ZFAND2A: variants seen among roughly 807,000 people sequenced by gnomAD.
ZFAND2A encodes zinc finger AN1-type containing 2A.
A neutral mutation model predicts 11.6 loss-of-function variants in ZFAND2A; 20 were observed. The observed-to-expected ratio is 1.72, with a 90% CI of 1.21 to 2.50. ZFAND2A has a LOEUF of 2.50. ZFAND2A is among the 30% of genes most tolerant of loss of function. The pLI, the probability that ZFAND2A is intolerant of heterozygous loss-of-function variation, is 0.00. For synonymous variants in ZFAND2A, 93 were observed against 60.6 expected, an observed-to-expected ratio of 1.54 and a Z score of -2.48; for missense variants, 234 against 182.9, an observed-to-expected ratio of 1.28 and a Z score of -1.61.
chr7:1,149,217 T>C (rs976016616), downstream of ZFAND2A, among the ~76,000 whole-genome samples: 1 of 152,248 alleles, frequency 6.6e-6, no homozygotes, highest in Non-Finnish European at 1.5e-5. Context: ...ACACCCAGGT[T>C]CCTAACGTAC....
intron 1 of ZFAND2A, among the ~76,000 whole-genome samples, chr7:1,158,932 C>T (rs763089727): frequency 6.6e-6 from 1 of 152,124 alleles, no homozygotes; most frequent in Non-Finnish European, 1.5e-5. Flanking sequence ...CTAGTACTCA[C>T]CAGCCCCTCC....
At chr7:1,154,708 T>C (rs942690783) in intron 4 of ZFAND2A, among the ~76,000 whole-genome samples, 4 of 152,210 alleles carry the variant, frequency 2.6e-5, no homozygotes, top group South Asian at 4.1e-4. Context: ...CAAAAGTTAT[T>C]TGGTTTATGG....
chr7:1,158,065 A>G (rs1055094716), intron 2 of ZFAND2A, 93 bp downstream of exon 2: 2 of 1,266,076 alleles, frequency 1.6e-6, no homozygotes, highest in Admixed American at 3.6e-5. Context: ...AGGAGCCAGG[A>G]AGGCCAAGAC....
At chr7:1,150,930 C>T (rs916357774), downstream of ZFAND2A, among the ~76,000 whole-genome samples, 1 of 147,752 alleles carries the variant, frequency 6.8e-6, no homozygotes, top group Non-Finnish European at 1.5e-5. Flanking sequence ...CTCTGTTGCC[C>T]AGGCTGGAGT....
chr7:1,152,474 A>C, downstream of ZFAND2A: 6 of 1,147,856 alleles, frequency 5.2e-6, no homozygotes, highest in South Asian at 1.1e-4. Flanking sequence ...CAGGTGCAAC[A>C]GTTGAGGCAA....
At position 1,160,049 on chromosome 7, in the gene ZFAND2A, C is replaced by G. The variant is rs1393367116; in HGVS notation, c.-131G>C. 6.5e-6 allele frequency: 1 copy of G among 153,466 alleles called. No individual in the cohort carries two copies. The highest frequency in any genetic ancestry group is 2.4e-5 in the African/African-American group (1 of 41,466). The allele number at this position is 153,466 out of a possible 1,614,324, so 9.5% of individuals were successfully genotyped here. ...CAGGTGTCCTCCTCCGTAGTCGGCTCCGGGTAGCTAAGCAGAAAGAACCTC... is the reference window on the plus strand; with the variant it reads ...CAGGTGTCCTCCTCCGTAGTCGGCTGCGGGTAGCTAAGCAGAAAGAACCTC... On this transcript the variant is annotated 5_prime_UTR_variant, in exon 1 of 5. Coordinates refer to ENST00000316495, the MANE Select transcript of ZFAND2A (RefSeq NM_182491.4).
At position 1,153,139 on chromosome 7, in the gene ZFAND2A, C is replaced by T. The variant is rs1271827238; in HGVS notation, c.368G>A (p.Cys123Tyr). The T allele has an allele frequency of 1.9e-6, 3 of 1,614,126 alleles. No individual in the cohort carries two copies. The highest frequency in any genetic ancestry group is 1.3e-5 in the African/African-American group (1 of 74,928). Residue 123 changes from cysteine to tyrosine, a missense_variant, in exon 5 of 5, where the codon TGT becomes TAT. By Grantham distance (194) the Cys-to-Tyr change is radical. Transcript: ENST00000316495. Reference sequence around the variant, plus strand: ...GTCCAAAGGGTGTCTGTGCTGGATACAGAAGTTGCCGTGACATTGGGCACA... The same window carrying T: ...GTCCAAAGGGTGTCTGTGCTGGATATAGAAGTTGCCGTGACATTGGGCACA... Reference protein sequence around the residue: ...MVCAQCHGNFCIQHRHPLDHS... With the variant: ...MVCAQCHGNFYIQHRHPLDHS...
Position 1,155,582 on chromosome 7 carries a change from A to C in ZFAND2A, c.153T>G (p.Asp51Glu). The C allele has an allele frequency of 1.2e-6, 2 of 1,610,110 alleles. No individual in the cohort carries two copies. The highest frequency in any genetic ancestry group is 2.2e-5 in the South Asian group (2 of 90,090). The change falls in exon 4 of 5, where the codon GAT becomes GAG. Residue 51 changes from aspartate (D) to glutamate (E), a missense_variant and splice_region_variant. Coordinates refer to ENST00000316495, the MANE Select transcript of ZFAND2A (RefSeq NM_182491.4). ...AHKCPFAFQK[D>E]VHVPVCPLCN... ...AGAGTGGGCATACTGGGACGTGAACATCCTAAAAATAACAAAGGTAAGATG... is the reference window on the plus strand; with the variant it reads ...AGAGTGGGCATACTGGGACGTGAACCTCCTAAAAATAACAAAGGTAAGATG...
At chr7:1,158,057 G>A (rs1793573663) in intron 2 of ZFAND2A, 101 bp downstream of exon 2, 2 of 1,176,394 alleles carry the variant, frequency 1.7e-6, no homozygotes, top group African/African-American at 1.5e-5. Flanking sequence ...CAATACTGAG[G>A]AGCCAGGAAG....
At chr7:1,159,477 C>T (rs1294769470) in intron 1 of ZFAND2A, among the ~76,000 whole-genome samples, 60 of 150,004 alleles carry the variant, frequency 4.0e-4, no homozygotes, top group African/African-American at 1.5e-3. Context: ...AGGCCGGACC[C>T]CCAGCAGCCA....
In ZFAND2A at chr7:1,158,284, G is replaced by T. The variant is rs1037056151; in HGVS notation, c.-45-27C>A. 9.7e-6 allele frequency: 14 copies of T among 1,443,376 alleles called. No individual in the cohort carries two copies. In the African/African-American group the frequency reaches 1.7e-4, roughly 17 times the overall value. 89.4% of individuals were successfully genotyped at this position (1,443,376 alleles called of 1,614,324 possible). Reference sequence around the variant, plus strand: ...TACAAGAGAATCAGAATAGTTAGGAGGAAAGCTGGACTGCCCTTCAGTCAC... The same window carrying T: ...TACAAGAGAATCAGAATAGTTAGGATGAAAGCTGGACTGCCCTTCAGTCAC... On this transcript the variant is annotated intron_variant, in intron 1 of 4. Coordinates refer to ENST00000316495, the MANE Select transcript of ZFAND2A (RefSeq NM_182491.4).
chr7:1,156,957 T>TG (rs1793540709), intron 3 of ZFAND2A: 1 of 152,058 alleles, frequency 6.6e-6, no homozygotes. Context: ...TAAAAATGGC[T>TG]GGAGGGTCAG....
chr7:1,153,451 C>T (rs764294285), intron 4 of ZFAND2A, among the ~76,000 whole-genome samples: 21 of 152,126 alleles, frequency 1.4e-4, no homozygotes, highest in Non-Finnish European at 2.8e-4. Context: ...GCCATGCTGC[C>T]CAGGCTGGTC....
intron 4 of ZFAND2A, among the ~76,000 whole-genome samples, chr7:1,154,309 C>T (rs531785904): frequency 3.3e-5 from 5 of 152,102 alleles, no homozygotes; most frequent in African/African-American, 1.2e-4. Flanking sequence ...GGTGGCCCTC[C>T]GGCCAAGGCA....
chr7:1,155,561 T>C lies in ZFAND2A; in HGVS notation c.174A>G (p.Pro58=), dbSNP rs768124971. Reference sequence around the variant, plus strand: ...TTACTGGGATGGGGGTATTACAGAGTGGGCATACTGGGACGTGAACATCCT... The same window carrying C: ...TTACTGGGATGGGGGTATTACAGAGCGGGCATACTGGGACGTGAACATCCT... ...FQKDVHVPVC[P]LCNTPIPVKK... Residue 58 remains proline, a synonymous_variant, in exon 4 of 5, where the codon CCA becomes CCG. Coordinates refer to ENST00000316495, the MANE Select transcript of ZFAND2A (RefSeq NM_182491.4). 1.9e-6 allele frequency: 3 copies of C among 1,612,900 alleles called. No individual in the cohort carries two copies. The African/African-American group carries it at 4.0e-5, about 22-fold the overall frequency.
downstream of ZFAND2A, among the ~76,000 whole-genome samples, chr7:1,150,541 C>T (rs144134922): frequency 2.6e-3 from 395 of 152,292 alleles, 1 homozygote; most frequent in African/African-American, 9.1e-3. Context: ...TTACGTTACC[C>T]GTGTTCATCA....
intron 3 of ZFAND2A, chr7:1,156,919 G>A (rs1793539841): frequency 6.6e-6 from 1 of 152,350 alleles, no homozygotes; most frequent in Admixed American, 6.5e-5. Context: ...GGGAATGTGA[G>A]TCACCCTCCC....
chr7:1,152,044 G>C, downstream of ZFAND2A: 1 of 515,998 alleles, frequency 1.9e-6, no homozygotes, highest in Non-Finnish European at 3.2e-6. Context: ...CCAGCTGTAT[G>C]ATGCTGCTGC....
intron 1 of ZFAND2A, among the ~76,000 whole-genome samples, chr7:1,159,386 G>A (rs998885246): frequency 3.0e-4 from 45 of 152,190 alleles, no homozygotes; most frequent in Non-Finnish European, 8.8e-5. Flanking sequence ...TCGGCTGGCG[G>A]GTTAACGACC....
Sources: allele counts gnomAD v4.1 joint callset (sites outside exome capture counted in the v4.1 genomes callset), GRCh38; gene constraint gnomAD v4.1.1; transcripts MANE v1.5; gene names NCBI Gene and HGNC (gene_info 2026-07-23, HGNC 2026-07-21).